C13orf42: variants seen among roughly 807,000 people sequenced by gnomAD.
C13orf42 encodes the protein chromosome 13 open reading frame 42, also known as uncharacterized protein C13orf42.
chr13:51,159,410 G>A (rs1426393978), intron 1 of C13orf42, among the ~76,000 whole-genome samples: 1 of 152,242 alleles, frequency 6.6e-6, no homozygotes, highest in East Asian at 1.9e-4. Flanking sequence ...ATCAAGAGCA[G>A]TCTGAAACCT....
chr13:51,134,121 A>C, intron 1 of C13orf42, among the ~76,000 whole-genome samples: 1 of 152,150 alleles, frequency 6.6e-6, no homozygotes, highest in East Asian at 1.9e-4. Flanking sequence ...TGAAAATCTA[A>C]GTCCATTTAC....
chr13:51,118,832 T>C (rs576166748), intron 1 of C13orf42, among the ~76,000 whole-genome samples: 1 of 152,290 alleles, frequency 6.6e-6, no homozygotes, highest in South Asian at 2.1e-4. Flanking sequence ...TGCTTGGGCA[T>C]ACAGTATGCC....
chr13:51,110,514 C>T (rs962614331), intron 1 of C13orf42, among the ~76,000 whole-genome samples: 4 of 152,154 alleles, frequency 2.6e-5, no homozygotes, highest in Non-Finnish European at 5.9e-5. Context: ...AATCTGTACA[C>T]CAAACCCTTG....
intron 1 of C13orf42, among the ~76,000 whole-genome samples, chr13:51,091,594 G>T (rs1953180816): frequency 6.6e-6 from 1 of 152,150 alleles, no homozygotes; most frequent in Non-Finnish European, 1.5e-5. Flanking sequence ...CCCAGTGGTT[G>T]TTAGACTCTC....
At chr13:51,088,990 G>A (rs756318073) in intron 1 of C13orf42, among the ~76,000 whole-genome samples, 4 of 152,124 alleles carry the variant, frequency 2.6e-5, no homozygotes, top group Admixed American at 6.5e-5. Flanking sequence ...AAATCAATAC[G>A]TGTACTAATA....
At chr13:51,112,446 A>C (rs190369789), upstream of C13orf42, among the ~76,000 whole-genome samples, 273 of 152,262 alleles carry the variant, frequency 1.8e-3, 10 homozygotes, top group South Asian at 0.046. Context: ...AACATTTTTA[A>C]ATGTTTCTAT....
At chr13:51,171,287 A>G (rs1297466007) in intron 1 of C13orf42, among the ~76,000 whole-genome samples, 1 of 152,152 alleles carries the variant, frequency 6.6e-6, no homozygotes, top group Non-Finnish European at 1.5e-5. Flanking sequence ...AATAGCCAGA[A>G]AATGGCACTT....
At chr13:51,166,500 G>A (rs1269644194) in intron 1 of C13orf42, among the ~76,000 whole-genome samples, 1 of 144,948 alleles carries the variant, frequency 6.9e-6, no homozygotes, top group Non-Finnish European at 1.5e-5. Flanking sequence ...GCTAGATGAC[G>A]AGTTAGTGGG....
intron 1 of C13orf42, among the ~76,000 whole-genome samples, chr13:51,125,050 T>C (rs1052380124): frequency 3.9e-5 from 6 of 152,174 alleles, no homozygotes; most frequent in Admixed American, 3.9e-4. Context: ...TTCTCAAGTC[T>C]TAGCTGGAAA....
intron 2 of C13orf42, among the ~76,000 whole-genome samples, chr13:51,086,796 C>A (rs1437894048): frequency 6.6e-6 from 1 of 152,108 alleles, no homozygotes; most frequent in Non-Finnish European, 1.5e-5. Context: ...TTCCTAGGCC[C>A]CCTCACTCCC....
chr13:51,135,333 G>A (rs570966726), intron 1 of C13orf42, among the ~76,000 whole-genome samples: 1 of 152,168 alleles, frequency 6.6e-6, no homozygotes, highest in Non-Finnish European at 1.5e-5. Flanking sequence ...AGACCTCCGA[G>A]CCTTTGCTTA....
chr13:51,083,585 A>AC lies in C13orf42; in HGVS notation c.*565_*566insG, dbSNP rs1953088250. On this transcript the variant is annotated 3_prime_UTR_variant, in exon 4 of 4. Transcript: ENST00000563710. ...ACCCCATTGCCAGGGCATTAGCCTC[A>AC]TCTTAGCTTAATGCAGCAGGAGTTT... 1 of 152,042 alleles carries AC rather than the reference A, an allele frequency of 6.6e-6. No homozygotes were observed. The highest frequency in any genetic ancestry group is 2.4e-5 in the African/African-American group (1 of 41,358). 9.4% of individuals were successfully genotyped at this position (152,042 alleles called of 1,614,324 possible).
At chr13:51,110,135 C>T (rs1566128618) in intron 1 of C13orf42, among the ~76,000 whole-genome samples, 2 of 152,132 alleles carry the variant, frequency 1.3e-5, no homozygotes, top group Non-Finnish European at 2.9e-5. Flanking sequence ...GAGGAATTTT[C>T]CAGTTGTTTG....
chr13:51,118,551 T>G (rs1329043271), intron 1 of C13orf42, among the ~76,000 whole-genome samples: 1 of 152,068 alleles, frequency 6.6e-6, no homozygotes, highest in African/African-American at 2.4e-5. Context: ...GGGCAGAGAG[T>G]GAAGCTGCCC....
intron 1 of C13orf42, among the ~76,000 whole-genome samples, chr13:51,136,911 AAAACTT>A (rs1269473259): frequency 3.3e-5 from 5 of 152,214 alleles, no homozygotes; most frequent in Non-Finnish European, 7.3e-5. Context: ...CAGCTCTCAT[AAAACTT>A]GCTGTCCAGT....
chr13:51,141,095 G>GGTGTGTGTGTGT (rs3043870), intron 1 of C13orf42, among the ~76,000 whole-genome samples: 3,741 of 128,458 alleles, frequency 0.029, 80 homozygotes, highest in African/African-American at 0.048. Flanking sequence ...ATCGAAGGGA[G>GGTGTGTGTGTGT]GTGTGTGTGT....
intron 1 of C13orf42, among the ~76,000 whole-genome samples, chr13:51,159,387 A>C (rs941107436): frequency 2.0e-5 from 3 of 152,306 alleles, no homozygotes; most frequent in South Asian, 2.1e-4. Context: ...ATGACAAGAA[A>C]ATAAAGAGGC....
chr13:51,136,732 C>T (rs1953660861), intron 1 of C13orf42, among the ~76,000 whole-genome samples: 1 of 152,204 alleles, frequency 6.6e-6, no homozygotes, highest in African/African-American at 2.4e-5. Flanking sequence ...AAAAGTGACA[C>T]CAGGAGGGTA....
chr13:51,107,409 T>C lies in C13orf42; in HGVS notation c.414+3387A>G, dbSNP rs1320751371. ...TCTATTTCATAAAACTTTTGTTTCG[T>C]TTGTGTGTTTGGGTAAACTGGGTCA... is the stretch of plus-strand genomic sequence containing the variant. On this transcript the variant is annotated intron_variant, in intron 1 of 3. Transcript: ENST00000563710. Among the ~76,000 whole-genome samples, 5 of 152,216 alleles carry C rather than the reference T, an allele frequency of 3.3e-5. No individual in the cohort carries two copies. The South Asian group carries it at 1.0e-3, about 31-fold the overall frequency.
Sources: gnomAD v4.1 joint callset for allele counts (sites outside exome capture counted in the v4.1 genomes callset) on GRCh38, gnomAD v4.1.1 for gene constraint, MANE v1.5 for transcripts, NCBI Gene and HGNC (gene_info 2026-07-23, HGNC 2026-07-21) for gene names.